Variants in PLA2G4E observed in about 807,000 individuals in gnomAD.
The protein encoded by PLA2G4E is phospholipase A2 group IVE.
In PLA2G4E, 84 loss-of-function variants were observed where a neutral mutation model predicts 109.1. The observed-to-expected ratio is 0.77, with a 90% CI of 0.65 to 0.92. PLA2G4E has a LOEUF of 0.92. Ranked by LOEUF, PLA2G4E falls within the 40% of genes least tolerant of loss-of-function variation. PLA2G4E has a pLI of 0.00. For missense variants in PLA2G4E, 1,057 were observed against 1,076.6 expected (o/e 0.98, Z 0.25); for synonymous variants, 469 against 436.1 (o/e 1.08, Z -0.94).
chr15:42,050,660 T>G lies in PLA2G4E; in HGVS notation c.44A>C (p.Asn15Thr), dbSNP rs1008249042. Residue 15 changes from asparagine (N) to threonine (T), a missense_variant, in exon 1 of 20, where the codon AAT (asparagine) becomes ACT (threonine). Coordinates refer to ENST00000399518, the Ensembl canonical transcript of PLA2G4E. ...TTGTGGGCTCTGTGGGACAAACACA[T>G]TAGTTCCCAGGCCAGGACAGCCTTC... is the stretch of plus-strand genomic sequence containing the variant. 53 of 1,550,430 alleles carry G rather than the reference T, an allele frequency of 3.4e-5. No individual in the cohort carries two copies. The highest frequency in any genetic ancestry group is 4.6e-5 in the Non-Finnish European group (53 of 1,146,988).
intron 14 of PLA2G4E, 62 bp from the exon 15 acceptor site, chr15:41,989,614 G>A: frequency 6.5e-7 from 1 of 1,547,442 alleles, no homozygotes; most frequent in Non-Finnish European, 8.7e-7. Flanking sequence ...ACACAGCCGG[G>A]CCCCCCTCCT....
At chr15:42,003,322 G>A (rs942039259) in intron 5 of PLA2G4E, among the ~76,000 whole-genome samples, 3 of 152,268 alleles carry the variant, frequency 2.0e-5, no homozygotes, top group Admixed American at 6.5e-5. Context: ...GCAATGGCAC[G>A]GTCTGGGCTC....
chr15:42,016,161 T>C (rs912727370), intron 1 of PLA2G4E, among the ~76,000 whole-genome samples: 8 of 151,938 alleles, frequency 5.3e-5, no homozygotes, highest in Admixed American at 2.0e-4. Context: ...ACTATTGGGA[T>C]TGGGGGCAGG....
intron 1 of PLA2G4E, among the ~76,000 whole-genome samples, chr15:42,033,162 G>T (rs1453020182): frequency 6.6e-6 from 1 of 152,126 alleles, no homozygotes; most frequent in African/African-American, 2.4e-5. Context: ...CCTTTAGGAG[G>T]AAGAAGGCTC....
At chr15:41,997,176 G>A in exon 11 of PLA2G4E, 1 of 1,563,922 alleles carries the variant, frequency 6.4e-7, no homozygotes, top group South Asian at 1.2e-5. Flanking sequence ...CAGGGCCTTG[G>A]CCACCACGAC....
intron 13 of PLA2G4E, among the ~76,000 whole-genome samples, chr15:41,992,075 C>T (rs79894467): frequency 0.02 from 3,000 of 152,234 alleles, 106 homozygotes; most frequent in African/African-American, 0.061. Flanking sequence ...TTAGTCAGAT[C>T]ACTGGATCTC....
intron 1 of PLA2G4E, among the ~76,000 whole-genome samples, chr15:42,038,950 G>A (rs566310330): frequency 6.6e-6 from 1 of 152,216 alleles, no homozygotes; most frequent in African/African-American, 2.4e-5. Flanking sequence ...CTGACTTTTT[G>A]AGTTTTGCTA....
intron 2 of PLA2G4E, 102 bp downstream of exon 2, chr15:42,013,583 G>T: frequency 8.8e-7 from 1 of 1,130,382 alleles, no homozygotes; most frequent in Non-Finnish European, 1.3e-6. Flanking sequence ...ACACGTGCGC[G>T]CGCACACACA....
chr15:42,015,384 G>A (rs574610583), intron 1 of PLA2G4E, among the ~76,000 whole-genome samples: 21 of 152,294 alleles, frequency 1.4e-4, no homozygotes, highest in African/African-American at 5.1e-4. Context: ...TTGGCCCCAG[G>A]CGTTAAGCCT....
intron 1 of PLA2G4E, among the ~76,000 whole-genome samples, chr15:42,031,258 C>T (rs1000435288): frequency 2.0e-4 from 30 of 152,280 alleles, no homozygotes; most frequent in African/African-American, 6.5e-4. Flanking sequence ...TATGAGCCAC[C>T]GCACACAGTC....
chr15:41,989,449 C>G (rs374953072), exon 15 of PLA2G4E: 6 of 1,613,922 alleles, frequency 3.7e-6, no homozygotes, highest in Non-Finnish European at 4.2e-6. Context: ...CCGGGATCCT[C>G]TTCACCAGCC....
At chr15:42,042,059 C>CAT (rs61584797) in intron 1 of PLA2G4E, among the ~76,000 whole-genome samples, 29,073 of 151,978 alleles carry the variant, frequency 0.19, 2,943 homozygotes, top group South Asian at 0.33. Flanking sequence ...ATATCAATGA[C>CAT]ATTTTCTAGG....
intron 6 of PLA2G4E, among the ~76,000 whole-genome samples, chr15:42,001,982 C>T (rs1292002945): frequency 6.6e-6 from 1 of 152,144 alleles, no homozygotes; most frequent in Non-Finnish European, 1.5e-5. Flanking sequence ...CATGAGCCAC[C>T]ATGACTGGCT....
chr15:42,044,783 A>G (rs946191139), intron 1 of PLA2G4E, among the ~76,000 whole-genome samples: 10 of 144,232 alleles, frequency 6.9e-5, no homozygotes, highest in African/African-American at 2.6e-4. Flanking sequence ...TTAAAGTATA[A>G]TAAAAAAAAA....
chr15:41,990,744 CTTTTTT>C (rs1228531708), intron 13 of PLA2G4E, among the ~76,000 whole-genome samples: 1 of 42,820 alleles, frequency 2.3e-5, no homozygotes, highest in Non-Finnish European at 6.8e-5. Flanking sequence ...CTCTTCCCTT[CTTTTTT>C]TTTTTTTTTT....
At chr15:41,997,161 T>C (rs914237148) in exon 11 of PLA2G4E, 2 of 1,567,784 alleles carry the variant, frequency 1.3e-6, no homozygotes, top group East Asian at 2.4e-5. Flanking sequence ...CTGCAGCACC[T>C]GCTTCAGGGC....
intron 1 of PLA2G4E, among the ~76,000 whole-genome samples, chr15:42,029,830 G>A (rs911305903): frequency 1.3e-5 from 2 of 152,222 alleles, no homozygotes; most frequent in African/African-American, 2.4e-5. Context: ...TTCACTATAA[G>A]TGATCCACAG....
chr15:42,024,374 G>C (rs1440035563), intron 1 of PLA2G4E, among the ~76,000 whole-genome samples: 1 of 152,172 alleles, frequency 6.6e-6, no homozygotes, highest in East Asian at 1.9e-4. Flanking sequence ...CTGATGACCA[G>C]GGAGCCCCAG....
chr15:41,986,131 T>G (rs796527247), intron 17 of PLA2G4E, 126 bp from the exon 18 acceptor site: 1 of 903,476 alleles, frequency 1.1e-6, no homozygotes, highest in South Asian at 1.7e-5. Flanking sequence ...GGACGCCCAC[T>G]GAGTTCCAGT....
Sources: gnomAD v4.1 joint callset for allele counts (sites outside exome capture counted in the v4.1 genomes callset) on GRCh38, gnomAD v4.1.1 for gene constraint, MANE v1.5 for transcripts, NCBI Gene and HGNC (gene_info 2026-07-23, HGNC 2026-07-21) for gene names.